UCK1: variants seen among roughly 807,000 people sequenced by gnomAD.
UCK1 encodes uridine-cytidine kinase 1, also known as cytidine monophosphokinase 1.
In UCK1, 20 loss-of-function variants were observed where a neutral mutation model predicts 34.0. The observed-to-expected ratio is 0.59, with a 90% CI of 0.41 to 0.86. The LOEUF (loss-of-function observed/expected upper bound fraction) is 0.86. UCK1 is among the 40% of genes least tolerant of loss of function. The pLI, the probability that UCK1 is intolerant of heterozygous loss-of-function variation, is 0.00. For missense variants in UCK1, 343 were observed against 383.6 expected (o/e 0.89, Z 0.88); for synonymous variants, 168 against 155.9 (o/e 1.08, Z -0.58).
intron 1 of UCK1, 116 bp downstream of exon 1, chr9:131,530,951 G>A: frequency 1.0e-6 from 1 of 999,260 alleles, no homozygotes. Context: ...CTTCGCTCCC[G>A]CGCCCTGCCC....
intron 5 of UCK1, among the ~76,000 whole-genome samples, chr9:131,528,380 G>A (rs747177267): frequency 1.5e-4 from 23 of 152,336 alleles, no homozygotes; most frequent in Non-Finnish European, 2.9e-4. Context: ...GTGTGCAGCG[G>A]GGAGTTCCTG....
intron 5 of UCK1, 111 bp downstream of exon 5, chr9:131,528,833 C>CT (rs1950711406): frequency 6.6e-6 from 9 of 1,366,456 alleles, no homozygotes; most frequent in African/African-American, 1.5e-5. Context: ...AATTCTTCTC[C>CT]TTTTTTTCAA....
At position 131,531,204 on chromosome 9, in the gene UCK1, C is replaced by CCGCGCCCGCCCCGTCCCCAGGCCCGG; in HGVS notation, c.-31_-30insCCGGGCCTGGGGACGGGGCGGGCGCG. 2.2e-6 allele frequency: 3 copies of CCGCGCCCGCCCCGTCCCCAGGCCCGG among 1,362,182 alleles called. No homozygotes were observed. The highest frequency in any genetic ancestry group is 1.5e-5 in the African/African-American group (1 of 64,860). The allele number at this position is 1,362,182 out of a possible 1,614,324, so 84.4% of individuals were successfully genotyped here. On this transcript the variant is annotated 5_prime_UTR_variant, in exon 1 of 7. Transcript: ENST00000372215. Reference sequence around the variant, plus strand: ...GCCTCCGCTCCCGCGCATCGGGTCCCCGCGCCCGCCCCTTCCCCAGGCCCG... The same window carrying CCGCGCCCGCCCCGTCCCCAGGCCCGG: ...GCCTCCGCTCCCGCGCATCGGGTCCCCGCGCCCGCCCCGTCCCCAGGCCCGGCGCGCCCGCCCCTTCCCCAGGCCCG...
intron 3 of UCK1, 24 bp from the exon 4 acceptor site, chr9:131,529,294 G>C (rs565651829): frequency 6.2e-7 from 1 of 1,613,640 alleles, no homozygotes; most frequent in Non-Finnish European, 8.5e-7. Flanking sequence ...GGGGAAAGGG[G>C]CTCTGCTGCA....
chr9:131,530,687 C>A, intron 1 of UCK1, 42 bp from the exon 2 acceptor site: 1 of 1,614,162 alleles, frequency 6.2e-7, no homozygotes, highest in South Asian at 1.1e-5. Flanking sequence ...AACCGCTCGT[C>A]CTGTGACAGG....
At chr9:131,527,707 T>A (rs1950661700) in intron 5 of UCK1, among the ~76,000 whole-genome samples, 1 of 151,446 alleles carries the variant, frequency 6.6e-6, no homozygotes, top group African/African-American at 2.4e-5. Context: ...GGAGACCCCA[T>A]CTCTACAAAA....
intron 5 of UCK1, chr9:131,526,374 C>A: frequency 2.4e-6 from 3 of 1,247,012 alleles, no homozygotes; most frequent in Non-Finnish European, 2.1e-6. Flanking sequence ...TCTGCAAATA[C>A]CCTGGCACAG....
chr9:131,531,242 A>AGGCCCC lies in UCK1; in HGVS notation c.-69_-68insGGGGCC. On this transcript the variant is annotated 5_prime_UTR_variant, in exon 1 of 7. Transcript: ENST00000372215. ...TTCCCCAGGCCCGGCGCGCCCGCCCAGCGCCGAGGTCGGAGGCAACCGGAG... is the reference window on the plus strand; with the variant it reads ...TTCCCCAGGCCCGGCGCGCCCGCCCAGGCCCCGCGCCGAGGTCGGAGGCAACCGGAG... 7.8e-7 allele frequency: 1 copy of AGGCCCC among 1,283,592 alleles called. No individual in the cohort carries two copies. Among genetic ancestry groups the AGGCCCC allele is most frequent in the South Asian group, 2.0e-5 (1 of 50,366 alleles). 79.5% of individuals were successfully genotyped at this position (1,283,592 alleles called of 1,614,324 possible). A position where few individuals can be genotyped will look rare whatever the true frequency, so the allele number is the denominator to read the frequency against.
In UCK1 at chr9:131,531,131, T is replaced by C; in HGVS notation, c.44A>G (p.Glu15Gly). ...GGGCCGCTGGTGCGGACGGTCGGCCTCCGGCGCGGGGCTCTCGCAGTCTTC... is the reference window on the plus strand; with the variant it reads ...GGGCCGCTGGTGCGGACGGTCGGCCCCCGGCGCGGGGCTCTCGCAGTCTTC... ...GGEDCESPAPEADRPHQRPFL... is the reference protein window; with the variant it reads ...GGEDCESPAPGADRPHQRPFL... Residue 15 changes from glutamate to glycine, a missense_variant, in exon 1 of 7, where the codon GAG (glutamate) becomes GGG (glycine). Physicochemically the swap from Glu to Gly is moderately conservative, Grantham distance 98. Coordinates refer to ENST00000372215, the MANE Select transcript of UCK1 (RefSeq NM_031432.5). The C allele has an allele frequency of 6.9e-7, 1 of 1,450,182 alleles. No individual in the cohort carries two copies. Among genetic ancestry groups the C allele is most frequent in the Non-Finnish European group, 9.0e-7 (1 of 1,105,278 alleles). The allele number at this position is 1,450,182 out of a possible 1,614,324, so 89.8% of individuals were successfully genotyped here. A position where few individuals can be genotyped will look rare whatever the true frequency, so the allele number is the denominator to read the frequency against.
Position 131,529,151 on chromosome 9 carries a change from G to C in UCK1, c.485C>G (p.Ser162Cys). 2 of 1,613,950 alleles carry C rather than the reference G, an allele frequency of 1.2e-6. No individual in the cohort carries two copies. The highest frequency in any genetic ancestry group is 2.2e-5 in the South Asian group (2 of 91,080). ...ACCTCTTCGAGACAGCCTGACGTCGGAGTCGGTGTCCACGAAGAGGCGCAG... is the reference window on the plus strand; with the variant it reads ...ACCTCTTCGAGACAGCCTGACGTCGCAGTCGGTGTCCACGAAGAGGCGCAG... ...FHLRLFVDTD[S>C]DVRLSRRVLR... The change falls in exon 4 of 7, where the codon TCC becomes TGC. Residue 162 changes from serine (S) to cysteine (C), a missense_variant. Ser to Cys is a moderately radical substitution (Grantham distance 112, BLOSUM62 -1). Coordinates refer to ENST00000372215, the MANE Select transcript of UCK1 (RefSeq NM_031432.5).
chr9:131,528,789 A>C (rs1950709097), intron 5 of UCK1, 155 bp downstream of exon 5: 2 of 848,632 alleles, frequency 2.4e-6, no homozygotes, highest in African/African-American at 3.4e-5. Context: ...TACAGCTGAG[A>C]ACTACTCCCA....
intron 5 of UCK1, among the ~76,000 whole-genome samples, chr9:131,528,640 C>T (rs895957720): frequency 4.6e-5 from 7 of 152,130 alleles, no homozygotes; most frequent in Admixed American, 1.3e-4. Context: ...GAGAGGCTGG[C>T]GCTGGGTGCA....
At position 131,529,165 on chromosome 9, in the gene UCK1, G is replaced by A. The variant is rs746443101; in HGVS notation, c.471C>T (p.Phe157=). The part of the protein sequence containing the change: ...EIRDMFHLRL[F]VDTDSDVRLS... ...GCCTGACGTCGGAGTCGGTGTCCACGAAGAGGCGCAGGTGGAACATGTCCC... is the reference window on the plus strand; with the variant it reads ...GCCTGACGTCGGAGTCGGTGTCCACAAAGAGGCGCAGGTGGAACATGTCCC... The change falls in exon 4 of 7, where the codon TTC becomes TTT. Residue 157 remains phenylalanine, a synonymous_variant. Transcript: ENST00000372215. 28 of 1,613,928 alleles carry A rather than the reference G, an allele frequency of 1.7e-5. No homozygotes were observed. The highest frequency in any genetic ancestry group is 1.9e-5 in the Non-Finnish European group (23 of 1,179,966).
chr9:131,525,633 C>A (rs1416335399), intron 6 of UCK1, among the ~76,000 whole-genome samples: 2 of 152,184 alleles, frequency 1.3e-5, no homozygotes, highest in Non-Finnish European at 2.9e-5. Context: ...CACATGCCAC[C>A]ATGCCCAAAT....
Position 131,529,244 on chromosome 9 carries a change from G to A in UCK1, c.392C>T (p.Pro131Leu), listed in dbSNP as rs1950734760. ...SRLPETTVVY[P>L]ADVVLFEGIL... is the part of the protein sequence containing the mutation. ...GCCCTCAAACAGAACCACGTCCGCA[G>A]GGTAGACCACCGTGGTCTCTGGTAA... The change falls in exon 4 of 7, where the codon CCT (proline) becomes CTT (leucine). Residue 131 changes from proline to leucine, a missense_variant. By Grantham distance (98) the Pro-to-Leu change is moderately conservative. Transcript: ENST00000372215. 6.2e-7 allele frequency: 1 copy of A among 1,614,046 alleles called. No homozygotes were observed. The highest frequency in any genetic ancestry group is 1.1e-5 in the South Asian group (1 of 91,082).
rs555023884 is a variant in UCK1, at chr9:131,526,174, G to A, written c.604-197C>T. Reference sequence around the variant, plus strand: ...CATGATCCAAGAAGTGAGGCAGAAAGTGCAGCTGAGGCAGCCAAAAGAAAG... The same window carrying A: ...CATGATCCAAGAAGTGAGGCAGAAAATGCAGCTGAGGCAGCCAAAAGAAAG... On this transcript the variant is annotated intron_variant, in intron 5 of 6. Coordinates refer to ENST00000372215, the MANE Select transcript of UCK1 (RefSeq NM_031432.5). 55 of 701,914 alleles carry A rather than the reference G, an allele frequency of 7.8e-5. No homozygotes were observed. The East Asian group carries it at 1.2e-3, about 15-fold the overall frequency. The allele number at this position is 701,914 out of a possible 1,614,324, so 43.5% of individuals were successfully genotyped here. A position where few individuals can be genotyped will look rare whatever the true frequency, so the allele number is the denominator to read the frequency against.
intron 5 of UCK1, among the ~76,000 whole-genome samples, chr9:131,527,147 G>A (rs1347592737): frequency 4.2e-5 from 5 of 119,890 alleles, no homozygotes; most frequent in Admixed American, 9.4e-5. Context: ...GCAAAACCCC[G>A]TCTGTGCAAA....
intron 3 of UCK1, 23 bp downstream of exon 3, chr9:131,529,465 C>G (rs1950745324): frequency 6.2e-7 from 1 of 1,613,830 alleles, no homozygotes; most frequent in South Asian, 1.1e-5. Context: ...TCTCCTCGGC[C>G]CTCCCTAGAA....
At chr9:131,527,392 G>A (rs912704189) in intron 5 of UCK1, among the ~76,000 whole-genome samples, 1 of 152,144 alleles carries the variant, frequency 6.6e-6, no homozygotes, top group African/African-American at 2.4e-5. Flanking sequence ...GAACATAGCA[G>A]GTGACAGCAC....
Sources: allele counts gnomAD v4.1 joint callset (sites outside exome capture counted in the v4.1 genomes callset), GRCh38; gene constraint gnomAD v4.1.1; transcripts MANE v1.5; gene names NCBI Gene and HGNC (gene_info 2026-07-23, HGNC 2026-07-21).